ALPK1: variants seen among roughly 807,000 people sequenced by gnomAD.
The protein encoded by ALPK1 is alpha-protein kinase 1.
A neutral mutation model predicts 120.6 loss-of-function variants in ALPK1; 110 were observed. The observed-to-expected ratio is 0.91, with a 90% CI of 0.78 to 1.07. The LOEUF is 1.07. Among genes scored for constraint, ALPK1 ranks in the 50% least tolerant of loss-of-function variants. ALPK1 has a pLI of 0.00. For missense variants in ALPK1, 1,498 were observed against 1,483.9 expected, an observed-to-expected ratio of 1.01 and a Z score of -0.16; for synonymous variants, 582 against 560.3, an observed-to-expected ratio of 1.04 and a Z score of -0.55.
chr4:112,388,028 A>G (rs1460903706), intron 4 of ALPK1, among the ~76,000 whole-genome samples: 4 of 152,076 alleles, frequency 2.6e-5, no homozygotes, highest in Non-Finnish European at 4.4e-5. Context: ...AACATGCGGT[A>G]TTTGGTTTTC....
At chr4:112,418,733 T>A (rs1265610192) in intron 5 of ALPK1, among the ~76,000 whole-genome samples, 1 of 106,166 alleles carries the variant, frequency 9.4e-6, no homozygotes, top group Non-Finnish European at 2.0e-5. Context: ...TGAAAGATGA[T>A]AAGTTGGAGC....
At chr4:112,300,214 A>G (rs984016921) in intron 1 of ALPK1, among the ~76,000 whole-genome samples, 3 of 152,208 alleles carry the variant, frequency 2.0e-5, no homozygotes, top group Non-Finnish European at 4.4e-5. Context: ...CAGACTCAGG[A>G]TTGAATAACT....
At chr4:112,424,854 G>A (rs1248322569) in intron 6 of ALPK1, among the ~76,000 whole-genome samples, 3 of 152,148 alleles carry the variant, frequency 2.0e-5, no homozygotes, top group Admixed American at 1.3e-4. Flanking sequence ...ATGGTGAGGG[G>A]GTAGTAAAGA....
chr4:112,438,705 A>G (rs1178209869), intron 13 of ALPK1, 59 bp downstream of exon 13: 2 of 1,550,762 alleles, frequency 1.3e-6, no homozygotes, highest in African/African-American at 1.4e-5. Flanking sequence ...ATATCAATTA[A>G]TCTGAGTATC....
At position 112,435,317 on chromosome 4, in the gene ALPK1, A is replaced by C. The variant is rs1224963131; in HGVS notation, c.3188+16A>C. On this transcript the variant is annotated intron_variant, in intron 12 of 15. Transcript: ENST00000650871. ...TTCTGGGGAGGTATTACTTAAAAAC[A>C]TTTGTATAACTAATGTAAGATGAGC... The C allele has an allele frequency of 2.0e-5, 32 of 1,603,214 alleles. No homozygotes were observed. The highest frequency in any genetic ancestry group is 2.6e-5 in the Non-Finnish European group (31 of 1,175,870).
intron 1 of ALPK1, among the ~76,000 whole-genome samples, chr4:112,314,172 T>C (rs1195294979): frequency 2.0e-5 from 3 of 152,084 alleles, no homozygotes; most frequent in Non-Finnish European, 4.4e-5. Context: ...AGACAGAGTA[T>C]GGGATGCAGC....
intron 4 of ALPK1, among the ~76,000 whole-genome samples, chr4:112,404,543 C>T (rs993903346): frequency 6.6e-6 from 1 of 152,236 alleles, no homozygotes; most frequent in African/African-American, 2.4e-5. Context: ...GGTTTCATCT[C>T]AGACATTATA....
At chr4:112,419,489 GA>G (rs1336833808) in intron 5 of ALPK1, among the ~76,000 whole-genome samples, 3 of 151,878 alleles carry the variant, frequency 2.0e-5, no homozygotes, top group African/African-American at 7.3e-5. Flanking sequence ...GGGAGGGAGG[GA>G]AGAAAAGAGG....
chr4:112,373,861 CTTAA>C (rs1176978623), intron 2 of ALPK1, among the ~76,000 whole-genome samples: 1 of 152,202 alleles, frequency 6.6e-6, no homozygotes, highest in Admixed American at 6.5e-5. Flanking sequence ...AAGTACCCAC[CTTAA>C]TTAAGAAATG....
rs746412905 is a variant in ALPK1, at chr4:112,423,709, T to A, written c.476-235T>A. 4 of 652,430 alleles carry A rather than the reference T, an allele frequency of 6.1e-6. No homozygotes were observed. The African/African-American group carries it at 7.1e-5, about 12-fold the overall frequency. 40.4% of individuals were successfully genotyped at this position (652,430 alleles called of 1,614,324 possible). On this transcript the variant is annotated intron_variant, in intron 5 of 15. Coordinates refer to ENST00000650871, the MANE Select transcript of ALPK1 (RefSeq NM_025144.4). ...GAATGAATTATCACATACATATGAA[T>A]CTAATTTTCATTTCAGATACTGTCC... is the stretch of plus-strand genomic sequence containing the variant.
Position 112,441,104 on chromosome 4 carries a change from A to G in ALPK1, c.3726A>G (p.Pro1242=), listed in dbSNP as rs374762747. 1.9e-6 allele frequency: 3 copies of G among 1,613,954 alleles called. No individual in the cohort carries two copies. Among genetic ancestry groups the G allele is most frequent in the Non-Finnish European group, 2.5e-6 (3 of 1,179,858 alleles). The change falls in exon 15 of 16, where the codon CCA becomes CCG. Residue 1242 remains proline (P), a splice_region_variant and synonymous_variant. Transcript: ENST00000650871. ...TGACTAGACCTTCAATGGAGAAACCATGTAAGTCATAGGCTGTATGGATTG... is the reference window on the plus strand; with the variant it reads ...TGACTAGACCTTCAATGGAGAAACCGTGTAAGTCATAGGCTGTATGGATTG... ...LSLTRPSMEK[P]CT
intron 8 of ALPK1, among the ~76,000 whole-genome samples, chr4:112,427,333 C>A (rs1734279994): frequency 1.5e-5 from 1 of 67,088 alleles, no homozygotes; most frequent in African/African-American, 6.7e-5. Context: ...ATCCCATAAA[C>A]ATGTATAATT....
rs773945785 is a variant in ALPK1, at chr4:112,432,517, T to C, written c.2970T>C (p.Asp990=). Residue 990 remains aspartate (D), a synonymous_variant, in exon 11 of 16, where the codon GAT becomes GAC. Coordinates refer to ENST00000650871, the MANE Select transcript of ALPK1 (RefSeq NM_025144.4). ...FEKLLAGVRH[D]WLFQRLENTG... ...AGCTGTTGGCAGGAGTGAGGCATGA[T>C]TGGCTGTTTCAGAGACTAGAGAATA... is the stretch of plus-strand genomic sequence containing the variant. The C allele has an allele frequency of 3.1e-5, 50 of 1,613,948 alleles. No homozygotes were observed. The South Asian group carries it at 4.6e-4, about 15-fold the overall frequency.
At chr4:112,328,466 T>G (rs1285499680) in intron 2 of ALPK1, among the ~76,000 whole-genome samples, 1 of 152,240 alleles carries the variant, frequency 6.6e-6, no homozygotes, top group East Asian at 1.9e-4. Context: ...TTGATTTAGA[T>G]AAATAGTTAT....
At chr4:112,312,178 T>A (rs1020743882) in intron 1 of ALPK1, among the ~76,000 whole-genome samples, 1 of 152,232 alleles carries the variant, frequency 6.6e-6, no homozygotes, top group Non-Finnish European at 1.5e-5. Context: ...AGTAGGATCA[T>A]AGATAATTCT....
At chr4:112,401,212 A>T (rs1732899706) in intron 4 of ALPK1, among the ~76,000 whole-genome samples, 1 of 152,164 alleles carries the variant, frequency 6.6e-6, no homozygotes, top group South Asian at 2.1e-4. Context: ...GAGGCAGAAA[A>T]AGGGAGAGGA....
chr4:112,306,750 T>G (rs1156606907), intron 1 of ALPK1, among the ~76,000 whole-genome samples: 1 of 152,080 alleles, frequency 6.6e-6, no homozygotes, highest in African/African-American at 2.4e-5. Flanking sequence ...CTCTATCTCC[T>G]TTAGTTCTGC....
chr4:112,382,617 T>C lies in ALPK1; in HGVS notation c.276+65T>C. On this transcript the variant is annotated intron_variant, in intron 4 of 15. Coordinates refer to ENST00000650871, the MANE Select transcript of ALPK1 (RefSeq NM_025144.4). ...AGTGAGGCATTTAGACTCTAAGTGG[T>C]CTAATAGATTAAATTTCTTTGAAGC... The C allele has an allele frequency of 1.9e-6, 3 of 1,608,910 alleles. No individual in the cohort carries two copies. The Middle Eastern group carries it at 5.0e-4, about 266-fold the overall frequency.
intron 1 of ALPK1, among the ~76,000 whole-genome samples, chr4:112,306,158 T>G (rs1406984600): frequency 6.6e-6 from 1 of 152,090 alleles, no homozygotes; most frequent in African/African-American, 2.4e-5. Flanking sequence ...TGCCAGTATT[T>G]TATTGAGGAT....
Sources: gnomAD v4.1 joint callset for allele counts (sites outside exome capture counted in the v4.1 genomes callset) on GRCh38, gnomAD v4.1.1 for gene constraint, MANE v1.5 for transcripts, NCBI Gene and HGNC (gene_info 2026-07-23, HGNC 2026-07-21) for gene names.